Variants in TPRG1 observed in about 807,000 individuals in gnomAD.
The protein encoded by TPRG1 is tumor protein p63-regulated gene 1 protein.
Under a neutral mutation model 29.3 loss-of-function variants are expected in TPRG1, and 29 were observed. The observed-to-expected ratio is 0.99, with a 90% CI of 0.74 to 1.35. TPRG1 has a LOEUF of 1.35. TPRG1 is among the 40% of genes most tolerant of loss of function. The probability of loss-of-function intolerance (pLI) is 0.00; values close to 1 mark genes in which losing one functional copy is unlikely to be tolerated. For synonymous variants in TPRG1, 130 were observed against 116.8 expected (o/e 1.11, Z -0.73); for missense variants, 327 against 335.0 (o/e 0.98, Z 0.19).
At chr3:189,028,639 G>C (rs1214864513) in intron 4 of TPRG1, among the ~76,000 whole-genome samples, 1 of 152,152 alleles carries the variant, frequency 6.6e-6, no homozygotes, top group Non-Finnish European at 1.5e-5. Flanking sequence ...TCCCTTGCAA[G>C]TATCAGGTTT....
At chr3:189,024,573 G>A (rs1713555425) in intron 4 of TPRG1, among the ~76,000 whole-genome samples, 1 of 152,190 alleles carries the variant, frequency 6.6e-6, no homozygotes, top group African/African-American at 2.4e-5. Context: ...CTGTGCTGGG[G>A]GGTTTCTTCC....
At chr3:189,034,603 TGTTA>T (rs1460768219) in intron 4 of TPRG1, among the ~76,000 whole-genome samples, 2 of 152,136 alleles carry the variant, frequency 1.3e-5, no homozygotes, top group Non-Finnish European at 2.9e-5. Context: ...CTTTAAAAAT[TGTTA>T]GTTTAAACAG....
rs1254585650 is a variant in TPRG1, at chr3:189,207,487, G to C, written c.103G>C (p.Asp35His). The change falls in exon 2 of 6, where the codon GAC (aspartate) becomes CAC (histidine). Residue 35 changes from aspartate (D) to histidine (H), a missense_variant. Coordinates refer to ENST00000345063, the MANE Select transcript of TPRG1 (RefSeq NM_198485.4). ...ETDHLSMEEE[D>H]PMPRQISRQS... ...TGACCACCTATCGATGGAGGAAGAG[G>C]ACCCGATGCCAAGACAGATTTCAAG... 3.1e-6 allele frequency: 5 copies of C among 1,613,888 alleles called. No homozygotes were observed. Among genetic ancestry groups the C allele is most frequent in the Non-Finnish European group, 4.2e-6 (5 of 1,179,978 alleles).
At chr3:189,159,793 G>T (rs1452952913) in intron 5 of TPRG1, among the ~76,000 whole-genome samples, 1 of 151,498 alleles carries the variant, frequency 6.6e-6, no homozygotes, top group Admixed American at 6.6e-5. Context: ...CACAGTCCTG[G>T]GGTAAAGGTT....
chr3:189,281,448 A>G (rs774147868), intron 4 of TPRG1, among the ~76,000 whole-genome samples: 1 of 152,210 alleles, frequency 6.6e-6, no homozygotes. Flanking sequence ...AATGTAGAGG[A>G]CAGCAAAACA....
At chr3:189,178,881 C>G (rs974349654) in intron 1 of TPRG1, among the ~76,000 whole-genome samples, 2 of 152,150 alleles carry the variant, frequency 1.3e-5, no homozygotes, top group Non-Finnish European at 2.9e-5. Context: ...CCTAAACTGA[C>G]AGTGATTTTA....
chr3:189,224,021 A>G (rs1360285917), intron 3 of TPRG1, among the ~76,000 whole-genome samples: 1 of 152,214 alleles, frequency 6.6e-6, no homozygotes, highest in South Asian at 2.1e-4. Context: ...TCTTGTGAGA[A>G]AGACAGACAT....
At chr3:189,214,464 A>C (rs1578857855) in intron 2 of TPRG1, among the ~76,000 whole-genome samples, 1 of 150,616 alleles carries the variant, frequency 6.6e-6, no homozygotes, top group Admixed American at 6.6e-5. Context: ...ATCCTAGGCA[A>C]CTCCCCTCCA....
intron 1 of TPRG1, among the ~76,000 whole-genome samples, chr3:189,201,672 G>A (rs746252075): frequency 6.6e-6 from 1 of 151,654 alleles, no homozygotes; most frequent in African/African-American, 2.4e-5. Flanking sequence ...TTTTGAAATG[G>A]AGTCTTGCTC....
intron 1 of TPRG1, among the ~76,000 whole-genome samples, chr3:189,112,965 G>T (rs1164138555): frequency 1.3e-5 from 2 of 152,102 alleles, no homozygotes; most frequent in African/African-American, 4.8e-5. Flanking sequence ...ATTACCTTGG[G>T]CAGTATGGCC....
At chr3:189,101,504 CT>C (rs1213775089) in intron 1 of TPRG1, among the ~76,000 whole-genome samples, 3 of 152,158 alleles carry the variant, frequency 2.0e-5, no homozygotes, top group African/African-American at 7.2e-5. Flanking sequence ...CCATGGACCT[CT>C]TAATTTCTCT....
intron 4 of TPRG1, among the ~76,000 whole-genome samples, chr3:189,079,305 G>A (rs1282556279): frequency 1.3e-5 from 2 of 151,974 alleles, no homozygotes; most frequent in African/African-American, 4.8e-5. Flanking sequence ...CTCCAACATT[G>A]GGGAACAAAT....
intron 1 of TPRG1, among the ~76,000 whole-genome samples, chr3:189,113,553 C>T (rs1011957797): frequency 1.6e-4 from 24 of 152,016 alleles, no homozygotes; most frequent in African/African-American, 5.6e-4. Flanking sequence ...TATGTCCCAT[C>T]AATACCTAAT....
At chr3:189,176,943 T>A (rs570587541) in intron 1 of TPRG1, among the ~76,000 whole-genome samples, 2 of 152,344 alleles carry the variant, frequency 1.3e-5, no homozygotes, top group East Asian at 3.9e-4. Context: ...TTTGAGCAGA[T>A]GAATGACATG....
At chr3:189,224,915 G>A (rs1737478333) in intron 3 of TPRG1, among the ~76,000 whole-genome samples, 1 of 150,862 alleles carries the variant, frequency 6.6e-6, no homozygotes, top group African/African-American at 2.4e-5. Context: ...CCACCTATAG[G>A]TGTCTCTTCC....
intron 4 of TPRG1, chr3:189,150,564 A>C (rs968648870): frequency 3.3e-5 from 5 of 152,150 alleles, no homozygotes; most frequent in African/African-American, 1.2e-4. Flanking sequence ...TAAAACTGTT[A>C]ACTCCTTGAA....
intron 4 of TPRG1, among the ~76,000 whole-genome samples, chr3:189,262,245 AGTATAAGTAT>A (rs1338492824): frequency 6.6e-6 from 1 of 151,830 alleles, no homozygotes; most frequent in Non-Finnish European, 1.5e-5. Context: ...TATAAGTATA[AGTATAAGTAT>A]AAGACTTGGT....
chr3:189,037,719 C>A (rs934638115), intron 4 of TPRG1, among the ~76,000 whole-genome samples: 2 of 151,542 alleles, frequency 1.3e-5, no homozygotes, highest in Non-Finnish European at 3.0e-5. Context: ...CAGTCTTCTC[C>A]AAGATTTTGT....
chr3:189,014,121 T>G (rs1712796391), intron 3 of TPRG1, among the ~76,000 whole-genome samples: 2 of 152,356 alleles, frequency 1.3e-5, no homozygotes, highest in South Asian at 4.1e-4. Flanking sequence ...TACTTCAGTG[T>G]GTTTTTGTAA....
Sources: allele counts gnomAD v4.1 joint callset (sites outside exome capture counted in the v4.1 genomes callset), GRCh38; gene constraint gnomAD v4.1.1; transcripts MANE v1.5; gene names NCBI Gene and HGNC (gene_info 2026-07-23, HGNC 2026-07-21).